The following OTC variants were observed in gnomAD, a reference collection of about 807,000 sequenced individuals.
OTC encodes ornithine transcarbamylase, mitochondrial.
Under a neutral mutation model 30.3 loss-of-function variants are expected in OTC, and 3 were observed. That is an observed-to-expected ratio of 0.10 (90% CI 0.05 to 0.26). OTC has a LOEUF of 0.26. Among genes scored for constraint, OTC ranks in the 10% least tolerant of loss-of-function variants. The probability of loss-of-function intolerance (pLI) is 1.00; values close to 1 mark genes in which losing one functional copy is unlikely to be tolerated. For synonymous variants in OTC, 111 were observed against 99.7 expected (o/e 1.11, Z -0.67); for missense variants, 194 against 260.3 (o/e 0.75, Z 1.75).
intron 2 of OTC, among the ~76,000 whole-genome samples, chrX:38,368,008 G>A (rs926583884): frequency 2.7e-5 from 3 of 111,036 alleles, no homozygotes; most frequent in Non-Finnish European, 5.7e-5. Context: ...GTGAGCCACC[G>A]TGCCCGGCCA....
intron 4 of OTC, among the ~76,000 whole-genome samples, chrX:38,398,214 T>G (rs772930041): frequency 3.4e-4 from 38 of 112,150 alleles, no homozygotes; most frequent in African/African-American, 1.2e-3. Flanking sequence ...ATTGTTCTGC[T>G]AGCATTTCTG....
At chrX:38,368,502 C>T (rs1222494649) in intron 2 of OTC, among the ~76,000 whole-genome samples, 1 of 109,994 alleles carries the variant, frequency 9.1e-6, no homozygotes, top group Non-Finnish European at 1.9e-5. Flanking sequence ...AGCAAAGAAA[C>T]AATTAATGGT....
the OTC span, among the ~76,000 whole-genome samples, chrX:38,340,979 G>A: frequency 1.8e-5 from 2 of 110,732 alleles, no homozygotes; most frequent in South Asian, 3.9e-4. Flanking sequence ...TGTATTTTTA[G>A]TAGAGACAGG....
chrX:38,418,151 T>C (rs1423256736), intron 9 of OTC, among the ~76,000 whole-genome samples: 1 of 111,957 alleles, frequency 8.9e-6, no homozygotes, highest in Non-Finnish European at 1.9e-5. Context: ...TCAACACTTA[T>C]CTTTCATTTT....
At chrX:38,331,442 G>GTT in the OTC span, among the ~76,000 whole-genome samples, 45 of 37,653 alleles carry the variant, frequency 1.2e-3, no homozygotes, top group Non-Finnish European at 1.5e-3. Context: ...TTTTTTTTTT[G>GTT]TTTTTTTTTT....
intron 4 of OTC, among the ~76,000 whole-genome samples, chrX:38,393,862 A>T (rs901207284): frequency 5.4e-5 from 6 of 111,974 alleles, no homozygotes; most frequent in African/African-American, 1.9e-4. Context: ...CCAGAGGAGA[A>T]TCCAATTCCT....
chrX:38,347,970 T>C (rs1309568077), upstream of OTC, among the ~76,000 whole-genome samples: 1 of 112,373 alleles, frequency 8.9e-6, no homozygotes, highest in Non-Finnish European at 1.9e-5. Context: ...TTTATACAGA[T>C]ACTTAAAAGC....
chrX:38,411,737 C>T, intron 8 of OTC, 125 bp from the exon 9 acceptor site: 2 of 630,650 alleles, frequency 3.2e-6, no homozygotes, highest in Non-Finnish European at 5.3e-6. Context: ...CATCACTCTG[C>T]TCCTTTGTCT....
intron 8 of OTC, among the ~76,000 whole-genome samples, chrX:38,409,952 T>C (rs934009218): frequency 9.0e-6 from 1 of 111,353 alleles, no homozygotes; most frequent in Non-Finnish European, 1.9e-5. Context: ...ATGTGTCTCT[T>C]TGCAGACCTT....
intron 6 of OTC, among the ~76,000 whole-genome samples, chrX:38,405,487 A>ATATTAAATTTAGGC (rs2068511392): frequency 9.1e-6 from 1 of 110,308 alleles, no homozygotes; most frequent in South Asian, 4.0e-4. Flanking sequence ...TTATAGGGAC[A>ATATTAAATTTAGGC]CCAGACATAT....
intron 1 of OTC, among the ~76,000 whole-genome samples, chrX:38,358,200 A>C (rs1332451472): frequency 9.0e-6 from 1 of 111,017 alleles, no homozygotes; most frequent in Non-Finnish European, 1.9e-5. Flanking sequence ...TGATGCCAGC[A>C]GTCTTACCTG....
At chrX:38,360,087 A>C (rs1379483387) in intron 1 of OTC, among the ~76,000 whole-genome samples, 2 of 106,147 alleles carry the variant, frequency 1.9e-5, no homozygotes, top group African/African-American at 6.9e-5. Context: ...CGCCCGGCTA[A>C]TTTTTATATT....
intron 2 of OTC, among the ~76,000 whole-genome samples, chrX:38,369,026 T>C (rs2068310744): frequency 9.1e-6 from 1 of 110,273 alleles, no homozygotes; most frequent in Non-Finnish European, 1.9e-5. Flanking sequence ...TGAGGATGCA[T>C]GATGAATGTG....
the OTC span, among the ~76,000 whole-genome samples, chrX:38,339,623 T>C: frequency 2.7e-5 from 3 of 109,762 alleles, no homozygotes; most frequent in Non-Finnish European, 5.7e-5. Flanking sequence ...ATGAAACTTT[T>C]ACATATGTTA....
chrX:38,373,451 A>T (rs923418322), intron 3 of OTC: 1 of 112,781 alleles, frequency 8.9e-6, no homozygotes, highest in Admixed American at 9.4e-5. Context: ...TCTACCAATG[A>T]TAATATTCTT....
At chrX:38,353,781 C>T (rs895311992) in intron 1 of OTC, among the ~76,000 whole-genome samples, 2 of 111,469 alleles carry the variant, frequency 1.8e-5, no homozygotes, top group African/African-American at 6.5e-5. Context: ...TAGTTGAGAC[C>T]TCAGAGCCAT....
chrX:38,400,785 TCAGCCAATGGCTCTCCTCA>T, intron 4 of OTC, among the ~76,000 whole-genome samples: 1 of 112,808 alleles, frequency 8.9e-6, no homozygotes. Flanking sequence ...AGCTAGAGTG[TCAGCCAATGGCTCTCCTCA>T]CAGCAAGTTC....
chrX:38,409,582 C>T (rs190821797), intron 8 of OTC, among the ~76,000 whole-genome samples: 2 of 112,225 alleles, frequency 1.8e-5, no homozygotes, highest in African/African-American at 6.5e-5. Flanking sequence ...GGGTCCCACC[C>T]CCAGGGTTTC....
intron 4 of OTC, among the ~76,000 whole-genome samples, chrX:38,392,171 C>G (rs1329305958): frequency 8.9e-6 from 1 of 112,216 alleles, no homozygotes; most frequent in South Asian, 3.6e-4. Flanking sequence ...CCAGGGCAAG[C>G]TGGTATATGT....
Sources: allele counts gnomAD v4.1 joint callset (sites outside exome capture counted in the v4.1 genomes callset), GRCh38; gene constraint gnomAD v4.1.1; transcripts MANE v1.5; gene names NCBI Gene and HGNC (gene_info 2026-07-23, HGNC 2026-07-21).